RPL8: variants seen among roughly 807,000 people sequenced by gnomAD.
RPL8 encodes the protein large ribosomal subunit protein uL2.
For missense variants in RPL8, 248 were observed against 365.9 expected (o/e 0.68, Z 2.63); for synonymous variants, 182 against 143.2 (o/e 1.27, Z -1.94).
intron 3 of RPL8, 172 bp downstream of exon 3, chr8:144,791,105 T>C (rs1242420010): frequency 7.8e-6 from 5 of 642,684 alleles, no homozygotes; most frequent in Non-Finnish European, 1.4e-5. Flanking sequence ...GTTGTGCCTG[T>C]TGTACAGTGA....
At chr8:144,790,890 CAGTGAGTTAACCT>C (rs1826486126) in intron 3 of RPL8, 2 of 501,970 alleles carry the variant, frequency 4.0e-6, no homozygotes, top group Admixed American at 4.8e-5. Context: ...CCAAACAGCA[CAGTGAGTTAACCT>C]AGACTCAAAT....
At chr8:144,790,293 C>G in intron 4 of RPL8, 62 bp downstream of exon 4, 1 of 1,396,072 alleles carries the variant, frequency 7.2e-7, no homozygotes, top group Non-Finnish European at 1.0e-6. Flanking sequence ...ATGGGACTTG[C>G]CTACCCAACA....
At position 144,791,414 on chromosome 8, in the gene RPL8, C is replaced by T. The variant is rs766549685; in HGVS notation, c.362G>A (p.Gly121Glu). The T allele has an allele frequency of 2.0e-5, 33 of 1,613,808 alleles. No homozygotes were observed. The highest frequency in any genetic ancestry group is 2.7e-5 in the Non-Finnish European group (32 of 1,180,030). Residue 121 changes from glycine (G) to glutamate (E), a missense_variant, in exon 3 of 5, where the codon GGA becomes GAA. Physicochemically the swap from Gly to Glu is moderately conservative, Grantham distance 98 (BLOSUM62 -2). Coordinates refer to ENST00000528957, the MANE Select transcript of RPL8 (RefSeq NM_001317782.2). ...TIVCCLEEKP[G>E]DRGKLARASG... Reference sequence around the variant, plus strand: ...TGCCCGGGCCAGCTTGCCACGGTCTCCAGGCTTCTCCTCCAGGCAGCACAC... The same window carrying T: ...TGCCCGGGCCAGCTTGCCACGGTCTTCAGGCTTCTCCTCCAGGCAGCACAC...
intron 3 of RPL8, chr8:144,790,679 T>C: frequency 1.4e-6 from 1 of 691,990 alleles, no homozygotes; most frequent in Non-Finnish European, 2.6e-6. Context: ...GGCCCTCACC[T>C]CCATCACCTA....
At chr8:144,790,952 A>C in intron 3 of RPL8, 1 of 465,686 alleles carries the variant, frequency 2.1e-6, no homozygotes, top group Middle Eastern at 3.1e-4. Flanking sequence ...TGAGAAAGCC[A>C]CAATCTCTCC....
At position 144,791,397 on chromosome 8, in the gene RPL8, C is replaced by A. The variant is rs1826509269; in HGVS notation, c.379G>T (p.Ala127Ser). 6.2e-7 allele frequency: 1 copy of A among 1,613,916 alleles called. No individual in the cohort carries two copies. Among genetic ancestry groups the A allele is most frequent in the African/African-American group, 1.3e-5 (1 of 75,034 alleles). ...EEKPGDRGKL[A>S]RASGNYATVI... ...GTGGCATAGTTCCCTGATGCCCGGG[C>A]CAGCTTGCCACGGTCTCCAGGCTTC... The change falls in exon 3 of 5, where the codon GCC becomes TCC. Residue 127 changes from alanine (A) to serine (S), a missense_variant. By Grantham distance (99) the Ala-to-Ser change is moderately conservative. Coordinates refer to ENST00000528957, the MANE Select transcript of RPL8 (RefSeq NM_001317782.2).
Position 144,791,350 on chromosome 8 carries a change from C to T in RPL8, c.426G>A (p.Glu142=), listed in dbSNP as rs781472870. The change falls in exon 3 of 5, where the codon GAG becomes GAA. Residue 142 remains glutamate (E), a synonymous_variant. Coordinates refer to ENST00000528957, the MANE Select transcript of RPL8 (RefSeq NM_001317782.2). ...GCAGCTTCACACGGGTCTTCTTGGTCTCAGGGTTGTGGGAGATAACGGTGG... is the reference window on the plus strand; with the variant it reads ...GCAGCTTCACACGGGTCTTCTTGGTTTCAGGGTTGTGGGAGATAACGGTGG... The part of the protein sequence containing the change: ...NYATVISHNP[E]TKKTRVKLPS... 3.7e-6 allele frequency: 6 copies of T among 1,613,592 alleles called. No individual in the cohort carries two copies. The highest frequency in any genetic ancestry group is 2.2e-5 in the South Asian group (2 of 91,066).
intron 4 of RPL8, 82 bp from the exon 5 acceptor site, chr8:144,790,044 C>A: frequency 6.8e-7 from 1 of 1,464,832 alleles, no homozygotes; most frequent in Non-Finnish European, 9.1e-7. Flanking sequence ...CGTCAGGGGC[C>A]CAATTCCGCG....
chr8:144,792,263 C>T lies in RPL8; in HGVS notation c.-134G>A. ...TCCCTACCCTCTCCGCGGGCGCCCG[C>T]ACCGGCATCCTCTCAGGAGGGCCGG... is the stretch of plus-strand genomic sequence containing the variant. On this transcript the variant is annotated 5_prime_UTR_variant, in exon 1 of 5. Transcript: ENST00000528957. 4 of 1,263,822 alleles carry T rather than the reference C, an allele frequency of 3.2e-6. No homozygotes were observed. The highest frequency in any genetic ancestry group is 2.9e-4 in the Middle Eastern group (1 of 3,488). 78.3% of individuals were successfully genotyped at this position (1,263,822 alleles called of 1,614,324 possible).
intron 3 of RPL8, 84 bp downstream of exon 3, chr8:144,791,193 C>T: frequency 1.5e-6 from 2 of 1,363,064 alleles, no homozygotes; most frequent in Non-Finnish European, 2.1e-6. Flanking sequence ...ATTCCAGGGA[C>T]CAAGTCTAGC....
rs749958720 is a variant in RPL8 at position 144,791,739 on chromosome 8, C to T, written c.280+34G>A. 2.5e-6 allele frequency: 4 copies of T among 1,612,334 alleles called. No individual in the cohort carries two copies. In the African/African-American group the frequency reaches 4.0e-5, roughly 16 times the overall value. On this transcript the variant is annotated intron_variant, in intron 2 of 4. Transcript: ENST00000528957. ...CTCAGGCAACACCCAGACCCCTCCC[C>T]ACCCCGACCTTCCTTCCCCGCCGCG...
rs746453404 is a variant in RPL8 at position 144,791,377 on chromosome 8, A to G, written c.399T>C (p.Tyr133=). The change falls in exon 3 of 5, where the codon TAT becomes TAC. Residue 133 remains tyrosine, a synonymous_variant. Coordinates refer to ENST00000528957, the MANE Select transcript of RPL8 (RefSeq NM_001317782.2). The part of the protein sequence containing the change: ...RGKLARASGN[Y]ATVISHNPET... ...CAGGGTTGTGGGAGATAACGGTGGC[A>G]TAGTTCCCTGATGCCCGGGCCAGCT... is the stretch of plus-strand genomic sequence containing the variant. The G allele has an allele frequency of 1.2e-6, 2 of 1,613,862 alleles. No homozygotes were observed. The highest frequency in any genetic ancestry group is 1.7e-6 in the Non-Finnish European group (2 of 1,180,028).
chr8:144,789,975 A>G lies in RPL8; in HGVS notation c.616-13T>C. Reference sequence around the variant, plus strand: ...GATGCTCCACAGGCTGCAGGCAGAGAAAGATGGCTTTAGAAACCTCTTCCC... The same window carrying G: ...GATGCTCCACAGGCTGCAGGCAGAGGAAGATGGCTTTAGAAACCTCTTCCC... On this transcript the variant is annotated splice_polypyrimidine_tract_variant and intron_variant, in intron 4 of 4. Coordinates refer to ENST00000528957, the MANE Select transcript of RPL8 (RefSeq NM_001317782.2). 1.3e-6 allele frequency: 2 copies of G among 1,599,896 alleles called. No individual in the cohort carries two copies. The highest frequency in any genetic ancestry group is 8.5e-7 in the Non-Finnish European group (1 of 1,173,012).
Position 144,791,468 on chromosome 8 carries a change from G to A in RPL8, c.308C>T (p.Pro103Leu), listed in dbSNP as rs775973617. ...TGTACCCTCAGGCATGGTGCCCACA[G>A]GGAGCACATTGCCAATGTTGAGCTG... ...KAQLNIGNVL[P>L]VGTMPEGTIV... Residue 103 changes from proline (P) to leucine (L), a missense_variant, in exon 3 of 5, where the codon CCT becomes CTT. Physicochemically the swap from Pro to Leu is moderately conservative, Grantham distance 98. Transcript: ENST00000528957. 2.5e-6 allele frequency: 4 copies of A among 1,613,760 alleles called. No individual in the cohort carries two copies. In the African/African-American group the frequency reaches 5.3e-5, roughly 22 times the overall value.
Position 144,792,202 on chromosome 8 carries a change from C to T in RPL8, c.-73G>A. 2 of 1,405,272 alleles carry T rather than the reference C, an allele frequency of 1.4e-6. No individual in the cohort carries two copies. The highest frequency in any genetic ancestry group is 1.5e-5 in the South Asian group (1 of 64,806). 87.1% of individuals were successfully genotyped at this position (1,405,272 alleles called of 1,614,324 possible). ...CGGGTACCCCCGCCAGCCCGGCTTT[C>T]CGGGACCCCGCCCCCGAGGCCGCCG... is the stretch of plus-strand genomic sequence containing the variant. On this transcript the variant is annotated 5_prime_UTR_variant, in exon 1 of 5. Transcript: ENST00000528957.
intron 2 of RPL8, 66 bp from the exon 3 acceptor site, chr8:144,791,561 G>A (rs1586751494): frequency 8.4e-6 from 13 of 1,551,286 alleles, no homozygotes; most frequent in Non-Finnish European, 1.1e-5. Context: ...CTCGCTCTAG[G>A]CAACCCGCGA....
At chr8:144,789,992 C>T (rs1216565010) in intron 4 of RPL8, 30 bp from the exon 5 acceptor site, 1 of 1,581,748 alleles carries the variant, frequency 6.3e-7, no homozygotes, top group South Asian at 1.2e-5. Context: ...GCTTTAGAAA[C>T]CTCTTCCCCA....
At chr8:144,791,943 G>A (rs777454521) in intron 1 of RPL8, 29 bp from the exon 2 acceptor site, 5 of 1,610,284 alleles carry the variant, frequency 3.1e-6, no homozygotes, top group Non-Finnish European at 4.2e-6. Flanking sequence ...TGAGTGCGGC[G>A]TTCCGGCCGG....
Position 144,791,503 on chromosome 8 carries a change from G to A in RPL8, c.281-8C>T, listed in dbSNP as rs766602866. ...TGCCAATGTTGAGCTGGGCTGCAAG[G>A]GGAAGCAGCATCAGGCCGTCAGCAC... On this transcript the variant is annotated splice_region_variant and splice_polypyrimidine_tract_variant and intron_variant, in intron 2 of 4. Transcript: ENST00000528957. The A allele has an allele frequency of 3.7e-6, 6 of 1,612,732 alleles. No homozygotes were observed. In the East Asian group the frequency reaches 6.7e-5, roughly 18 times the overall value.
Sources: allele counts gnomAD v4.1 joint callset, GRCh38; gene constraint gnomAD v4.1.1; transcripts MANE v1.5; gene names NCBI Gene and HGNC (gene_info 2026-07-23, HGNC 2026-07-21).